The following ZAN variants were observed in gnomAD, a reference collection of about 807,000 sequenced individuals.
The protein encoded by ZAN is zonadhesin (gene/pseudogene).
Under a neutral mutation model 286.2 loss-of-function variants are expected in ZAN, and 260 were observed. The observed-to-expected ratio is 0.91, with a 90% CI of 0.82 to 1.01. The LOEUF is 1.01. Ranked by LOEUF, ZAN falls within the 50% of genes least tolerant of loss-of-function variation. ZAN has a pLI of 0.00. For synonymous variants in ZAN, 1,368 were observed against 1,417.5 expected, an observed-to-expected ratio of 0.97 and a Z score of 0.79; for missense variants, 3,410 against 3,639.2, an observed-to-expected ratio of 0.94 and a Z score of 1.62.
At position 100,779,397 on chromosome 7, in the gene ZAN, T is replaced by C; in HGVS notation, c.6318-49T>C. ...CCCCTAAAGAAAAAAAAATTTTGTG[T>C]CATAGTAGGGGGACGGCTGTCCCTA... On this transcript the variant is annotated intron_variant, in intron 34 of 47. Coordinates refer to ENST00000613979, the MANE Select transcript of ZAN (RefSeq NM_003386.3). The C allele has an allele frequency of 6.6e-6, 10 of 1,520,432 alleles. No homozygotes were observed. The South Asian group carries it at 1.2e-4, about 19-fold the overall frequency. The allele number at this position is 1,520,432 out of a possible 1,614,324, so 94.2% of individuals were successfully genotyped here.
rs1390007051 is a variant in ZAN, at chr7:100,737,717, A to G, written c.613+368A>G. Among the ~76,000 whole-genome samples, 17 of 138,440 alleles carry G rather than the reference A, an allele frequency of 1.2e-4. 2 individuals are homozygous for G. Among genetic ancestry groups the G allele is most frequent in the Admixed American group, 3.6e-4 (5 of 13,916 alleles). 90.8% of individuals were successfully genotyped at this position (138,440 alleles called of 152,430 possible). A position where few individuals can be genotyped will look rare whatever the true frequency, so the allele number is the denominator to read the frequency against. On this transcript the variant is annotated intron_variant, in intron 6 of 47. Coordinates refer to ENST00000613979, the MANE Select transcript of ZAN (RefSeq NM_003386.3). ...TGAGACTCCGTCTCAAAAAAAAAAAAAGAAGAATGAGAAAGGAGATGAGGA... is the reference window on the plus strand; with the variant it reads ...TGAGACTCCGTCTCAAAAAAAAAAAGAGAAGAATGAGAAAGGAGATGAGGA...
At position 100,759,860 on chromosome 7, in the gene ZAN, AC is replaced by A; in HGVS notation, c.3696+20del. 1 of 1,606,952 alleles carries A rather than the reference AC, an allele frequency of 6.2e-7. No homozygotes were observed. The highest frequency in any genetic ancestry group is 8.5e-7 in the Non-Finnish European group (1 of 1,176,850). On this transcript the variant is annotated intron_variant, in intron 18 of 47. Coordinates refer to ENST00000613979, the MANE Select transcript of ZAN (RefSeq NM_003386.3). ...GACGCACTCTGGTGAGCCCCATTCC[AC>A]CCCCACCATCCTTGCAGGGTCTGAC...
intron 28 of ZAN, among the ~76,000 whole-genome samples, 185 bp downstream of exon 28, chr7:100,770,159 G>A (rs1202892846): frequency 6.6e-6 from 1 of 151,782 alleles, no homozygotes; most frequent in African/African-American, 2.4e-5. Context: ...GTCTGTATTT[G>A]TGTCTCAGGC....
At chr7:100,743,360 C>T (rs1254023420) in intron 7 of ZAN, among the ~76,000 whole-genome samples, 2 of 152,010 alleles carry the variant, frequency 1.3e-5, no homozygotes, top group East Asian at 3.9e-4. Flanking sequence ...CTATCCCTAG[C>T]TTCTTTCCAC....
chr7:100,786,414 GTT>G (rs1811569593), intron 37 of ZAN, among the ~76,000 whole-genome samples: 1 of 152,054 alleles, frequency 6.6e-6, no homozygotes, highest in Non-Finnish European at 1.5e-5. Flanking sequence ...TTTCTTGTTT[GTT>G]TGTTTTTTGA....
At chr7:100,753,379 G>A (rs972624115) in intron 14 of ZAN, 150 bp downstream of exon 14, 2 of 969,038 alleles carry the variant, frequency 2.1e-6, no homozygotes, top group African/African-American at 1.6e-5. Flanking sequence ...AGTCCATGGC[G>A]ACTTCAGAGG....
intron 19 of ZAN, among the ~76,000 whole-genome samples, chr7:100,761,893 T>C (rs111648147): frequency 2.6e-5 from 4 of 151,644 alleles, no homozygotes; most frequent in Middle Eastern, 3.4e-3. Context: ...GAGCCGAGGT[T>C]GCACCACTGC....
intron 28 of ZAN, 78 bp from the exon 29 acceptor site, chr7:100,771,766 A>C: frequency 1.4e-6 from 2 of 1,462,918 alleles, no homozygotes; most frequent in Non-Finnish European, 1.8e-6. Context: ...TGGATGTCGA[A>C]TCAGCCCCAG....
chr7:100,748,098 C>T (rs1808354932), intron 9 of ZAN, 39 bp from the exon 10 acceptor site: 1 of 1,568,414 alleles, frequency 6.4e-7, no homozygotes, highest in African/African-American at 1.4e-5. Flanking sequence ...GGGGTGTGGG[C>T]TGTGTGCTCA....
At chr7:100,786,172 G>A (rs1410157379) in intron 37 of ZAN, 31 bp downstream of exon 37, 2 of 1,612,592 alleles carry the variant, frequency 1.2e-6, no homozygotes, top group Admixed American at 1.7e-5. Flanking sequence ...GGTTGGAGAG[G>A]GGAGCACCTG....
chr7:100,734,229 G>A lies in ZAN; in HGVS notation c.53+8G>A. The A allele has an allele frequency of 1.4e-6, 2 of 1,433,714 alleles. 1 individual carries two copies. The highest frequency in any genetic ancestry group is 1.9e-6 in the Non-Finnish European group (2 of 1,056,560). 88.8% of individuals were successfully genotyped at this position (1,433,714 alleles called of 1,614,324 possible). On this transcript the variant is annotated splice_region_variant and intron_variant, in intron 2 of 47. Transcript: ENST00000613979. ...GGGGGCTGCCCTTTTCAGGTAAGCTGGGCCCAGGGGGTAATGATAAACCAG... is the reference window on the plus strand; with the variant it reads ...GGGGGCTGCCCTTTTCAGGTAAGCTAGGCCCAGGGGGTAATGATAAACCAG...
At chr7:100,751,407 C>G (rs1808653505) in intron 13 of ZAN, 141 bp downstream of exon 13, 1 of 621,746 alleles carries the variant, frequency 1.6e-6, no homozygotes, top group South Asian at 2.9e-5. Flanking sequence ...CTTCAACACA[C>G]CTCTCCTTCC....
intron 7 of ZAN, among the ~76,000 whole-genome samples, chr7:100,745,347 A>C (rs953357383): frequency 3.3e-5 from 5 of 151,544 alleles, no homozygotes; most frequent in African/African-American, 1.2e-4. Flanking sequence ...AGCGCGCGCC[A>C]GGCAAGACTC....
intron 35 of ZAN, among the ~76,000 whole-genome samples, chr7:100,783,733 CAAAAAAAAAAAAAAA>C (rs67004319): frequency 1.1e-3 from 12 of 11,232 alleles, no homozygotes; most frequent in Non-Finnish European, 2.0e-3. Flanking sequence ...CCGTCCCCCG[CAAAAAAAAAAAAAAA>C]AAAAAAAAAA....
chr7:100,748,051 G>T, intron 9 of ZAN, 86 bp from the exon 10 acceptor site: 1 of 1,110,318 alleles, frequency 9.0e-7, no homozygotes, highest in Non-Finnish European at 1.4e-6. Context: ...TAGGGATTCT[G>T]GGTCCTGGAA....
At chr7:100,790,734 T>C (rs1461276666) in intron 39 of ZAN, among the ~76,000 whole-genome samples, 2 of 151,366 alleles carry the variant, frequency 1.3e-5, no homozygotes, top group African/African-American at 4.9e-5. Context: ...AATACAAAAA[T>C]TAGCCAGGCA....
chr7:100,792,689 C>A, intron 42 of ZAN: 1 of 1,302,026 alleles, frequency 7.7e-7, no homozygotes, highest in Non-Finnish European at 1.0e-6. Context: ...AGGTCCAAGT[C>A]AGCACAACCG....
Position 100,792,466 on chromosome 7 carries a change from C to T in ZAN, c.7774C>T (p.Gln2592Ter). The T allele has an allele frequency of 1.2e-6, 2 of 1,613,888 alleles. No individual in the cohort carries two copies. The highest frequency in any genetic ancestry group is 1.1e-5 in the South Asian group (1 of 91,074). Residue 2592 changes from glutamine (Q) to a stop codon, truncating the protein, a stop_gained, in exon 42 of 48, where the codon CAG becomes TAG. Coordinates refer to ENST00000613979, the MANE Select transcript of ZAN (RefSeq NM_003386.3). LOFTEE classifies it high-confidence loss of function. ...DPREQEELRC[Q>*]VLSGHGVSSR... ...AAGAGAGCAAGAGGAGCTGCGTTGC[C>T]AGGTCCTCAGTGGGTACGCCATCCT...
At chr7:100,737,410 C>G (rs1807393018) in intron 6 of ZAN, 61 bp downstream of exon 6, 1 of 1,201,556 alleles carries the variant, frequency 8.3e-7, no homozygotes, top group South Asian at 1.5e-5. Context: ...CCTTGCACAA[C>G]AAGAAGAGGA....
Sources: allele counts gnomAD v4.1 joint callset (sites outside exome capture counted in the v4.1 genomes callset), GRCh38; gene constraint gnomAD v4.1.1; transcripts MANE v1.5; gene names NCBI Gene and HGNC (gene_info 2026-07-23, HGNC 2026-07-21).